Variants in SYNE2 observed in about 807,000 individuals in gnomAD.
The protein encoded by SYNE2 is nesprin-2.
SYNE2 carries 431 observed loss-of-function variants against 856.3 expected under a neutral mutation model. The observed-to-expected ratio is 0.50, with a 90% CI of 0.47 to 0.55. The LOEUF is 0.55. SYNE2 is among the 20% of genes least tolerant of loss of function. The pLI is 0.00. For synonymous variants in SYNE2, 2,923 were observed against 2,872.3 expected, an observed-to-expected ratio of 1.02 and a Z score of -0.56; for missense variants, 8,129 against 8,023.2, an observed-to-expected ratio of 1.01 and a Z score of -0.50.
At chr14:64,206,232 G>A (rs1271467700) in intron 100 of SYNE2, among the ~76,000 whole-genome samples, 2 of 152,200 alleles carry the variant, frequency 1.3e-5, no homozygotes, top group African/African-American at 2.4e-5. Context: ...GCAGAAAAAC[G>A]AAATGAACAG....
chr14:63,882,050 T>C (rs981224711), intron 1 of SYNE2, among the ~76,000 whole-genome samples: 2 of 152,206 alleles, frequency 1.3e-5, no homozygotes, highest in Admixed American at 6.5e-5. Flanking sequence ...TGTGAATTAT[T>C]TGAGCCTTCT....
chr14:63,853,321 G>T (rs1213088148), intron 1 of SYNE2, among the ~76,000 whole-genome samples, 178 bp downstream of exon 1: 1 of 151,888 alleles, frequency 6.6e-6, no homozygotes, highest in African/African-American at 2.4e-5. Flanking sequence ...CTTTGCTCGG[G>T]TGGGGAGAGC....
Position 64,119,431 on chromosome 14 carries a change from T to C in SYNE2, c.12845T>C (p.Met4282Thr). The C allele has an allele frequency of 6.2e-7, 1 of 1,614,218 alleles. No homozygotes were observed. The highest frequency in any genetic ancestry group is 1.7e-4 in the Middle Eastern group (1 of 6,060). Residue 4282 changes from methionine to threonine, a missense_variant, in exon 67 of 116, where the codon ATG (methionine) becomes ACG (threonine). Met to Thr is a moderately conservative substitution (Grantham distance 81). Around this residue, in one of 3 missense-constraint regions of SYNE2, gnomAD observed 5,410 missense variants for 5,284.8 expected, o/e 1.02. Transcript: ENST00000555002. ...TTAAATGCTTTTATTTCCTAGGCTA[T>C]GCTAACAGAGATTGAGCACAAGGTT... ...LEQQLVGCQA[M>T]LTEIEHKVAF...
intron 1 of SYNE2, among the ~76,000 whole-genome samples, chr14:63,778,107 G>C (rs961828909): frequency 5.9e-5 from 9 of 152,176 alleles, no homozygotes; most frequent in African/African-American, 1.9e-4. Context: ...TGTTGAGGGA[G>C]GAGGCTGGTG....
chr14:64,116,510 T>A (rs536134541), intron 66 of SYNE2, among the ~76,000 whole-genome samples: 1 of 152,256 alleles, frequency 6.6e-6, no homozygotes, highest in African/African-American at 2.4e-5. Context: ...TTCTGCCTCC[T>A]GGGTTCAAGT....
At chr14:63,904,687 T>C (rs977981291) in intron 1 of SYNE2, among the ~76,000 whole-genome samples, 4 of 152,212 alleles carry the variant, frequency 2.6e-5, no homozygotes, top group Non-Finnish European at 4.4e-5. Context: ...TTGATTTCTT[T>C]AAGATCCTTA....
rs2098254654 is a variant in SYNE2, at chr14:64,152,794, C to T, written c.15792+78C>T. ...TATTTGTCGTTGTAGTTGTTTTCGT[C>T]CTTTACTCATGGAGACTCTCTATAC... is the stretch of plus-strand genomic sequence containing the variant. On this transcript the variant is annotated intron_variant, in intron 85 of 115. Transcript: ENST00000555002. 5 of 1,572,976 alleles carry T rather than the reference C, an allele frequency of 3.2e-6. No individual in the cohort carries two copies. In the African/African-American group the frequency reaches 5.4e-5, roughly 17 times the overall value.
At chr14:63,954,045 C>T (rs757947998) in intron 7 of SYNE2, among the ~76,000 whole-genome samples, 8 of 152,170 alleles carry the variant, frequency 5.3e-5, no homozygotes, top group Non-Finnish European at 1.0e-4. Context: ...TCCCAAAGTG[C>T]TGGGATTGCA....
rs541202464 is a variant in SYNE2 at position 64,106,139 on chromosome 14, C to G, written c.12493-1352C>G. 6.1e-4 allele frequency among the ~76,000 whole-genome samples: 91 copies of G among 148,474 alleles called. 2 individuals carry two copies. The East Asian group carries it at 9.8e-3, about 16-fold the overall frequency. ...ATGGAATTGCATTTCCAGACCCCCC[C>G]CCCCAACCAACACACAAGCTGATTT... On this transcript the variant is annotated intron_variant, in intron 64 of 115. Transcript: ENST00000555002.
At position 63,862,424 on chromosome 14, in the gene SYNE2, C is replaced by T. The variant is rs193174183; in HGVS notation, c.-52+9281C>T. Among the ~76,000 whole-genome samples the T allele has an allele frequency of 4.7e-4, 71 of 151,790 alleles. 1 individual carries two copies. The highest frequency in any genetic ancestry group is 9.1e-4 in the Non-Finnish European group (62 of 67,902). Reference sequence around the variant, plus strand: ...TCGTGTTTTGATATTTTGTAGAGACCGAGATCTCACTGTGTTGCCCAGGCT... The same window carrying T: ...TCGTGTTTTGATATTTTGTAGAGACTGAGATCTCACTGTGTTGCCCAGGCT... On this transcript the variant is annotated intron_variant, in intron 1 of 115. Transcript: ENST00000555002.
chr14:63,953,391 T>C (rs2096194114), intron 7 of SYNE2, among the ~76,000 whole-genome samples: 1 of 152,112 alleles, frequency 6.6e-6, no homozygotes, highest in South Asian at 2.1e-4. Flanking sequence ...CTGGTGTGAC[T>C]GCAACTCTGT....
intron 84 of SYNE2, among the ~76,000 whole-genome samples, chr14:64,146,819 C>T (rs1368774577): frequency 1.3e-5 from 2 of 152,234 alleles, no homozygotes; most frequent in African/African-American, 2.4e-5. Flanking sequence ...CCATCGCCAT[C>T]ACGGCAGGCG....
At chr14:63,823,165 G>A (rs1433763409) in intron 1 of SYNE2, among the ~76,000 whole-genome samples, 1 of 151,864 alleles carries the variant, frequency 6.6e-6, no homozygotes. Flanking sequence ...TGACTTCTCA[G>A]CTGAAGTCTA....
intron 32 of SYNE2, 107 bp from the exon 33 acceptor site, chr14:64,016,366 C>A: frequency 1.4e-6 from 1 of 726,576 alleles, no homozygotes; most frequent in Non-Finnish European, 2.3e-6. Context: ...AGGTATTATG[C>A]TTTGTTGGGT....
In SYNE2 at chr14:63,799,121, C is replaced by T. The variant is rs541737355; in HGVS notation, c.-305+37135C>T. Among the ~76,000 whole-genome samples the T allele has an allele frequency of 2.4e-4, 36 of 152,332 alleles. No individual in the cohort carries two copies. In the South Asian group the frequency reaches 6.8e-3, roughly 29 times the overall value. On this transcript the variant is annotated intron_variant, in intron 1 of 23. Coordinates refer to the SYNE2 transcript ENST00000674003. ...TGAGACAGACTTTCGCTCTGTCATC[C>T]AGCCTGGAGTGCAGTGGCGCAATCT...
At chr14:64,057,353 A>T (rs985816917) in intron 49 of SYNE2, among the ~76,000 whole-genome samples, 3 of 152,160 alleles carry the variant, frequency 2.0e-5, no homozygotes, top group Non-Finnish European at 4.4e-5. Context: ...AGATCCCACC[A>T]ATAAGTGGGA....
intron 94 of SYNE2, among the ~76,000 whole-genome samples, chr14:64,172,445 T>C (rs1366678639): frequency 1.3e-5 from 2 of 152,172 alleles, no homozygotes; most frequent in Non-Finnish European, 2.9e-5. Flanking sequence ...TTGGGCATCA[T>C]TCTCTGTTGT....
intron 45 of SYNE2, among the ~76,000 whole-genome samples, chr14:64,033,386 G>A (rs2097057740): frequency 6.6e-6 from 1 of 151,980 alleles, no homozygotes; most frequent in South Asian, 2.1e-4. Flanking sequence ...CTAAAAATAA[G>A]AATTGTTTTT....
At chr14:63,771,725 C>A (rs1312289707) in intron 1 of SYNE2, among the ~76,000 whole-genome samples, 1 of 152,022 alleles carries the variant, frequency 6.6e-6, no homozygotes, top group African/African-American at 2.4e-5. Flanking sequence ...GGGTGAAACC[C>A]TGTCTCTACT....
Sources: allele counts gnomAD v4.1 joint callset (sites outside exome capture counted in the v4.1 genomes callset), GRCh38; gene constraint gnomAD v4.1.1; regional missense constraint gnomAD v4.1.1; transcripts MANE v1.5; gene names NCBI Gene and HGNC (gene_info 2026-07-23, HGNC 2026-07-21).